The following GABRR2 variants were observed in gnomAD, a reference collection of about 807,000 sequenced individuals.
GABRR2 encodes the protein gamma-aminobutyric acid receptor subunit rho-2.
GABRR2 carries 36 observed loss-of-function variants against 47.0 expected under a neutral mutation model. That is an observed-to-expected ratio of 0.77 (90% CI 0.59 to 1.01). GABRR2 has a LOEUF of 1.01. GABRR2 is among the 50% of genes least tolerant of loss of function. The pLI, the probability that GABRR2 is intolerant of heterozygous loss-of-function variation, is 0.00. For synonymous variants in GABRR2, 204 were observed against 227.5 expected (o/e 0.90, Z 0.93); for missense variants, 587 against 594.6 (o/e 0.99, Z 0.13).
chr6:89,302,021 T>G, intron 1 of GABRR2: 1 of 677,948 alleles, frequency 1.5e-6, no homozygotes, highest in Non-Finnish European at 2.7e-6. Flanking sequence ...CTCGGGGCCT[T>G]TTGGACATTT....
chr6:89,299,702 G>GC, intron 2 of GABRR2, 57 bp downstream of exon 2: 1 of 1,147,588 alleles, frequency 8.7e-7, no homozygotes. Flanking sequence ...AGAGAGGGCA[G>GC]CACATCACAT....
intron 2 of GABRR2, among the ~76,000 whole-genome samples, chr6:89,295,375 A>G (rs1197672412): frequency 1.3e-5 from 2 of 152,158 alleles, no homozygotes; most frequent in African/African-American, 2.4e-5. Flanking sequence ...TTTGATTTGC[A>G]TTTCTCTGAT....
At chr6:89,285,790 C>T (rs1774324911) in intron 2 of GABRR2, among the ~76,000 whole-genome samples, 1 of 152,138 alleles carries the variant, frequency 6.6e-6, no homozygotes, top group African/African-American at 2.4e-5. Flanking sequence ...CCATCTGGAC[C>T]AGCTATGGGT....
At chr6:89,279,317 G>GA (rs982701053) in intron 2 of GABRR2, among the ~76,000 whole-genome samples, 14 of 152,126 alleles carry the variant, frequency 9.2e-5, no homozygotes, top group African/African-American at 3.4e-4. Flanking sequence ...AGTCCCTGAA[G>GA]ACCGGTGAAG....
At chr6:89,297,740 C>T (rs1774581511) in intron 2 of GABRR2, among the ~76,000 whole-genome samples, 1 of 152,156 alleles carries the variant, frequency 6.6e-6, no homozygotes, top group Non-Finnish European at 1.5e-5. Context: ...GCAATCCCAG[C>T]TATTCAGGAG....
intron 2 of GABRR2, among the ~76,000 whole-genome samples, chr6:89,287,071 G>A (rs1259462895): frequency 1.6e-4 from 24 of 152,226 alleles, no homozygotes; most frequent in Admixed American, 1.5e-3. Flanking sequence ...GCCCCAAAGT[G>A]AGCCAGTGCC....
intron 2 of GABRR2, among the ~76,000 whole-genome samples, chr6:89,295,491 T>G (rs1481587131): frequency 1.3e-5 from 2 of 151,904 alleles, no homozygotes; most frequent in African/African-American, 4.8e-5. Flanking sequence ...GATTTTTTTT[T>G]AATTTGTTTG....
At chr6:89,280,936 G>A (rs567566375) in intron 2 of GABRR2, among the ~76,000 whole-genome samples, 4 of 152,342 alleles carry the variant, frequency 2.6e-5, no homozygotes, top group African/African-American at 7.2e-5. Context: ...ACAAGGCTTC[G>A]CCTTAGGATG....
At chr6:89,290,225 G>A (rs568072749) in intron 2 of GABRR2, among the ~76,000 whole-genome samples, 4 of 152,346 alleles carry the variant, frequency 2.6e-5, no homozygotes, top group African/African-American at 4.8e-5. Flanking sequence ...AGACTCCAGG[G>A]AGTAGCAGGC....
chr6:89,295,342 G>A (rs1481222102), intron 2 of GABRR2, among the ~76,000 whole-genome samples: 5 of 152,222 alleles, frequency 3.3e-5, no homozygotes, highest in African/African-American at 1.2e-4. Context: ...TCTAACTGGT[G>A]TGAGATGGTC....
At chr6:89,277,768 T>C (rs923532235) in intron 2 of GABRR2, among the ~76,000 whole-genome samples, 2 of 148,554 alleles carry the variant, frequency 1.3e-5, no homozygotes, top group Non-Finnish European at 3.0e-5. Flanking sequence ...TCTTACTATA[T>C]ACTAACAAAA....
chr6:89,262,647 A>G (rs1773775609), intron 8 of GABRR2, among the ~76,000 whole-genome samples: 2 of 152,244 alleles, frequency 1.3e-5, no homozygotes, highest in Non-Finnish European at 2.9e-5. Context: ...AAGGCAACAT[A>G]TTCTCTTTTC....
intron 2 of GABRR2, among the ~76,000 whole-genome samples, chr6:89,289,897 A>G (rs555161182): frequency 3.7e-4 from 57 of 152,324 alleles, no homozygotes; most frequent in African/African-American, 1.3e-3. Flanking sequence ...ACAACATAGC[A>G]GAGAAGCAGA....
At chr6:89,283,361 CAA>C (rs1038424353) in intron 2 of GABRR2, among the ~76,000 whole-genome samples, 23 of 151,918 alleles carry the variant, frequency 1.5e-4, no homozygotes. Flanking sequence ...CTTGTGATAG[CAA>C]AATAGTGGAA....
At chr6:89,308,419 T>C (rs1767610700) in intron 1 of GABRR2, among the ~76,000 whole-genome samples, 1 of 152,228 alleles carries the variant, frequency 6.6e-6, no homozygotes, top group South Asian at 2.1e-4. Context: ...AGCTCGTTGC[T>C]ACTGTACTGA....
intron 6 of GABRR2, among the ~76,000 whole-genome samples, chr6:89,266,063 T>TTTTG (rs772893574): frequency 2.0e-5 from 3 of 152,070 alleles, no homozygotes; most frequent in African/African-American, 7.2e-5. Flanking sequence ...TCGTTTGGGT[T>TTTTG]TTTGTTTGTT....
intron 1 of GABRR2, chr6:89,302,293 G>A (rs1251660328): frequency 1.4e-5 from 8 of 563,258 alleles, no homozygotes; most frequent in Admixed American, 7.6e-5. Flanking sequence ...TAGTGCCCTC[G>A]CCCAAGGTGT....
intron 2 of GABRR2, among the ~76,000 whole-genome samples, chr6:89,279,768 T>G (rs906690371): frequency 6.6e-6 from 1 of 152,016 alleles, no homozygotes; most frequent in African/African-American, 2.4e-5. Flanking sequence ...TGTACATACA[T>G]AATTTCTCTT....
intron 1 of GABRR2, chr6:89,301,874 A>T: frequency 8.7e-7 from 1 of 1,145,856 alleles, no homozygotes; most frequent in South Asian, 1.2e-5. Context: ...CATGGCATAG[A>T]CCCCAGCGGC....
Sources: gnomAD v4.1 joint callset for allele counts (sites outside exome capture counted in the v4.1 genomes callset) on GRCh38, gnomAD v4.1.1 for gene constraint, MANE v1.5 for transcripts, NCBI Gene and HGNC (gene_info 2026-07-23, HGNC 2026-07-21) for gene names.